FOXJ3: variants seen among roughly 807,000 people sequenced by gnomAD.
The protein encoded by FOXJ3 is forkhead box protein J3.
Under a neutral mutation model 76.1 loss-of-function variants are expected in FOXJ3, and 22 were observed. The ratio of observed to expected loss-of-function variants is 0.29; its 90% CI spans 0.21 to 0.41. FOXJ3 has a LOEUF of 0.41. FOXJ3 is among the 10% of genes least tolerant of loss of function. The pLI, the probability that FOXJ3 is intolerant of heterozygous loss-of-function variation, is 1.00. For missense variants in FOXJ3, 613 were observed against 762.1 expected, an observed-to-expected ratio of 0.80 and a Z score of 2.30; for synonymous variants, 269 against 261.2, an observed-to-expected ratio of 1.03 and a Z score of -0.29.
At chr1:42,224,187 A>G (rs1647362458) in intron 5 of FOXJ3, among the ~76,000 whole-genome samples, 1 of 152,212 alleles carries the variant, frequency 6.6e-6, no homozygotes, top group Non-Finnish European at 1.5e-5. Context: ...GATTCCTACT[A>G]GAGTCTGTCC....
intron 8 of FOXJ3, 126 bp from the exon 9 acceptor site, chr1:42,191,845 G>T: frequency 1.0e-6 from 1 of 983,858 alleles, no homozygotes; most frequent in Non-Finnish European, 1.5e-6. Flanking sequence ...TTTAATAAGT[G>T]TTAATCCAAC....
At chr1:42,285,578 C>T (rs1029867411) in intron 2 of FOXJ3, among the ~76,000 whole-genome samples, 3 of 152,096 alleles carry the variant, frequency 2.0e-5, no homozygotes, top group Non-Finnish European at 2.9e-5. Context: ...GGCTTATCAA[C>T]GAAGAGAGCT....
At chr1:42,300,759 C>T (rs768077688) in intron 2 of FOXJ3, among the ~76,000 whole-genome samples, 1 of 152,126 alleles carries the variant, frequency 6.6e-6, no homozygotes, top group Non-Finnish European at 1.5e-5. Context: ...GTCTGGCCAG[C>T]AGACTGAGAC....
chr1:42,291,075 T>TAGACAGACAGAC (rs202052653), intron 2 of FOXJ3, among the ~76,000 whole-genome samples: 6,781 of 117,166 alleles, frequency 0.058, 223 homozygotes, highest in East Asian at 0.11. Flanking sequence ...GATAGATAGA[T>TAGACAGACAGAC]AGATAGATAG....
chr1:42,256,045 A>G (rs1650564317), intron 4 of FOXJ3, among the ~76,000 whole-genome samples: 1 of 152,200 alleles, frequency 6.6e-6, no homozygotes, highest in Admixed American at 6.5e-5. Context: ...TAAGAAGAAC[A>G]TTTCATAAAG....
chr1:42,205,754 GA>G lies in FOXJ3; in HGVS notation c.630+7del. On this transcript the variant is annotated splice_region_variant and intron_variant, in intron 6 of 12. Transcript: ENST00000361346. ...ACATTTCAATAATGTTTAAAAAAAT[GA>G]AATTACTTTGTTAGTCACAGTGTTG... is the stretch of plus-strand genomic sequence containing the variant. 6.7e-7 allele frequency: 1 copy of G among 1,488,750 alleles called. No homozygotes were observed. Among genetic ancestry groups the G allele is most frequent in the Non-Finnish European group, 9.4e-7 (1 of 1,066,932 alleles). 92.2% of individuals were successfully genotyped at this position (1,488,750 alleles called of 1,614,324 possible).
chr1:42,196,784 G>C (rs777039557), intron 7 of FOXJ3, among the ~76,000 whole-genome samples: 1 of 152,214 alleles, frequency 6.6e-6, no homozygotes, highest in African/African-American at 2.4e-5. Flanking sequence ...CATGTTAGCT[G>C]TGTCTGTCAT....
chr1:42,334,890 C>A (rs1306550239), intron 1 of FOXJ3, 169 bp downstream of exon 1: 1 of 152,230 alleles, frequency 6.6e-6, no homozygotes, highest in South Asian at 2.1e-4. Context: ...AGGCCCCAGC[C>A]GGGGCCCAGG....
rs775913835 is a variant in FOXJ3 at position 42,235,105 on chromosome 1, G to A, written c.445-7139C>T. On this transcript the variant is annotated intron_variant, in intron 4 of 12. Transcript: ENST00000361346. ...ACCTACTCAAGCCTAGGCAATAACG[G>A]GCGCCCCTCCCACAGCCTTGCTGCC... is the stretch of plus-strand genomic sequence containing the variant. Among the ~76,000 whole-genome samples, 102 of 152,216 alleles carry A rather than the reference G, an allele frequency of 6.7e-4. 1 individual carries two copies. The highest frequency in any genetic ancestry group is 1.8e-4 in the Non-Finnish European group (12 of 68,008).
chr1:42,323,417 C>T (rs752268620), intron 1 of FOXJ3, among the ~76,000 whole-genome samples: 32 of 152,228 alleles, frequency 2.1e-4, no homozygotes, highest in African/African-American at 6.5e-4. Flanking sequence ...GATACAACAA[C>T]GAACAGTTTT....
chr1:42,261,525 A>C (rs1054139443), intron 4 of FOXJ3, among the ~76,000 whole-genome samples: 2 of 152,208 alleles, frequency 1.3e-5, no homozygotes, highest in African/African-American at 2.4e-5. Flanking sequence ...TTTACGACAC[A>C]ATCTTCTTGA....
intron 1 of FOXJ3, 91 bp downstream of exon 1, chr1:42,334,968 A>C (rs1292957603): frequency 3.9e-5 from 6 of 152,062 alleles, no homozygotes; most frequent in Admixed American, 3.3e-4. Flanking sequence ...CGTCTCGCGG[A>C]GGACAGCCCC....
rs183560612 is a variant in FOXJ3, at chr1:42,234,950, G to A, written c.445-6984C>T. On this transcript the variant is annotated intron_variant, in intron 4 of 12. Transcript: ENST00000361346. Reference sequence around the variant, plus strand: ...AAAGCTGTAAGACAGGGACATTTAAGTCTGCAGAGGATTCTGCTGCCATTT... The same window carrying A: ...AAAGCTGTAAGACAGGGACATTTAAATCTGCAGAGGATTCTGCTGCCATTT... 3.2e-3 allele frequency among the ~76,000 whole-genome samples: 489 copies of A among 152,338 alleles called. 1 individual carries two copies. Among genetic ancestry groups the A allele is most frequent in the African/African-American group, 0.011 (477 of 41,572 alleles).
chr1:42,219,564 C>T (rs592348), intron 5 of FOXJ3, among the ~76,000 whole-genome samples: 105,318 of 152,092 alleles, frequency 0.69, 37,162 homozygotes, highest in Admixed American at 0.79. Flanking sequence ...ATAACTTGGC[C>T]TTGCGCTTAC....
rs1176044948 is a variant in FOXJ3 at position 42,280,839 on chromosome 1, G to A, written c.45-2167C>T. Among the ~76,000 whole-genome samples the A allele has an allele frequency of 3.9e-5, 6 of 152,180 alleles. No homozygotes were observed. The East Asian group carries it at 1.2e-3, about 29-fold the overall frequency. ...AGTATTCAACAAATGTTAACTACTC[G>A]TATTGGTAATAAGAGTAGTTGCTTA... is the stretch of plus-strand genomic sequence containing the variant. On this transcript the variant is annotated intron_variant, in intron 2 of 12. Transcript: ENST00000361346.
intron 2 of FOXJ3, among the ~76,000 whole-genome samples, chr1:42,291,049 G>C (rs1376539915): frequency 7.6e-6 from 1 of 132,366 alleles, no homozygotes; most frequent in Non-Finnish European, 1.6e-5. Context: ...TAGATAGATA[G>C]ATAGATAGAT....
chr1:42,279,460 A>T (rs1303361602), intron 2 of FOXJ3, among the ~76,000 whole-genome samples: 1 of 152,196 alleles, frequency 6.6e-6, no homozygotes, highest in East Asian at 1.9e-4. Flanking sequence ...CAAGAAAAGA[A>T]GCATTAAAAA....
chr1:42,238,221 G>C (rs1035395868), intron 4 of FOXJ3, among the ~76,000 whole-genome samples: 2 of 151,864 alleles, frequency 1.3e-5, no homozygotes, highest in African/African-American at 4.8e-5. Context: ...TTTTAGTAGA[G>C]ATGGGATTTC....
In FOXJ3 at chr1:42,323,703, T is replaced by C. The variant is rs541518703; in HGVS notation, c.-18+11356A>G. The C allele has an allele frequency of 2.8e-4, 271 of 982,334 alleles. 1 individual carries two copies. The highest frequency in any genetic ancestry group is 3.1e-4 in the Non-Finnish European group (256 of 827,330). 60.9% of individuals were successfully genotyped at this position (982,334 alleles called of 1,614,324 possible). ...AATTACCTTTGGATCTCTCACAATA[T>C]CCAGGACAGTGTCTTGCATGCACAG... On this transcript the variant is annotated intron_variant, in intron 1 of 12. Coordinates refer to ENST00000361346, the MANE Select transcript of FOXJ3 (RefSeq NM_014947.5).
Sources: allele counts gnomAD v4.1 joint callset (sites outside exome capture counted in the v4.1 genomes callset), GRCh38; gene constraint gnomAD v4.1.1; transcripts MANE v1.5; gene names NCBI Gene and HGNC (gene_info 2026-07-23, HGNC 2026-07-21).